NALF1: variants seen among roughly 807,000 people sequenced by gnomAD.
The protein encoded by NALF1 is family with sequence similarity 155 member A.
NALF1 carries 3 observed loss-of-function variants against 48.4 expected under a neutral mutation model. The ratio of observed to expected loss-of-function variants is 0.06; its 90% CI spans 0.03 to 0.16. The LOEUF (loss-of-function observed/expected upper bound fraction) is 0.16. NALF1 is among the 10% of genes least tolerant of loss of function. The pLI is 1.00. For synonymous variants in NALF1, 262 were observed against 245.7 expected (o/e 1.07, Z -0.62); for missense variants, 526 against 571.5 (o/e 0.92, Z 0.81).
At chr13:107,191,445 C>T (rs1289996131) in intron 2 of NALF1, among the ~76,000 whole-genome samples, 2 of 152,086 alleles carry the variant, frequency 1.3e-5, no homozygotes, top group Non-Finnish European at 2.9e-5. Context: ...ATGCAGATTA[C>T]ATTTTATTTC....
intron 1 of NALF1, among the ~76,000 whole-genome samples, chr13:107,574,721 T>G (rs1171838239): frequency 6.6e-6 from 1 of 152,178 alleles, no homozygotes; most frequent in South Asian, 2.1e-4. Flanking sequence ...TTCTGCAGAC[T>G]TTTGGTTGAT....
At chr13:107,652,791 G>A (rs1417901) in intron 1 of NALF1, among the ~76,000 whole-genome samples, 150,425 of 152,254 alleles carry the variant, frequency 0.99, 74,333 homozygotes, top group Middle Eastern at 1. Context: ...GCCTGCCCCT[G>A]TGCCAACAAA....
At chr13:107,498,933 T>C (rs1423556910) in intron 1 of NALF1, among the ~76,000 whole-genome samples, 2 of 152,136 alleles carry the variant, frequency 1.3e-5, no homozygotes, top group Admixed American at 6.6e-5. Context: ...GAGTAGTAGA[T>C]AGGCAGTGAT....
intron 1 of NALF1, among the ~76,000 whole-genome samples, chr13:107,323,606 C>A (rs2138916225): frequency 6.6e-6 from 1 of 152,232 alleles, no homozygotes; most frequent in South Asian, 2.1e-4. Context: ...TACCCCCAAT[C>A]AGACTGTGAG....
chr13:107,505,062 T>C (rs1175976212), intron 1 of NALF1, among the ~76,000 whole-genome samples: 1 of 151,838 alleles, frequency 6.6e-6, no homozygotes, highest in East Asian at 1.9e-4. Context: ...GTAAAGGCTA[T>C]GGAGAGAAAT....
At chr13:107,637,836 C>T (rs1880020367) in intron 1 of NALF1, among the ~76,000 whole-genome samples, 1 of 152,062 alleles carries the variant, frequency 6.6e-6, no homozygotes, top group Non-Finnish European at 1.5e-5. Flanking sequence ...ACACATGTTA[C>T]ATGGGATCCA....
chr13:107,211,899 C>T (rs1185154594), intron 1 of NALF1, among the ~76,000 whole-genome samples: 2 of 152,046 alleles, frequency 1.3e-5, no homozygotes, highest in Non-Finnish European at 2.9e-5. Flanking sequence ...GCACTTTTGA[C>T]CATAACTATT....
chr13:107,786,303 C>A (rs376911898), intron 1 of NALF1, among the ~76,000 whole-genome samples: 31 of 149,502 alleles, frequency 2.1e-4, no homozygotes, highest in African/African-American at 7.1e-4. Flanking sequence ...GTAATCCCAG[C>A]TACTTAGGAG....
intron 1 of NALF1, among the ~76,000 whole-genome samples, chr13:107,722,251 G>A (rs941904362): frequency 6.6e-6 from 1 of 152,154 alleles, no homozygotes. Context: ...AGAAACCTAA[G>A]TTTCTCCCTT....
At chr13:107,675,299 G>T (rs144406645) in intron 1 of NALF1, among the ~76,000 whole-genome samples, 345 of 152,266 alleles carry the variant, frequency 2.3e-3, no homozygotes, top group Middle Eastern at 0.01. Context: ...CTCTGGGGCT[G>T]CAGGCTCACG....
At chr13:107,787,932 C>T (rs1346529086) in intron 1 of NALF1, among the ~76,000 whole-genome samples, 2 of 152,134 alleles carry the variant, frequency 1.3e-5, no homozygotes, top group African/African-American at 4.8e-5. Flanking sequence ...TCTTATATTA[C>T]ATCCTTATCC....
At chr13:107,532,819 G>GAAAAT (rs1876683551) in intron 1 of NALF1, among the ~76,000 whole-genome samples, 2 of 151,190 alleles carry the variant, frequency 1.3e-5, no homozygotes, top group South Asian at 4.2e-4. Context: ...GATTATTCAG[G>GAAAAT]AATATAATTT....
chr13:107,313,189 G>A (rs186253135), intron 1 of NALF1, among the ~76,000 whole-genome samples: 1 of 151,784 alleles, frequency 6.6e-6, no homozygotes, highest in African/African-American at 2.4e-5. Context: ...ACCAACTCAT[G>A]AAACTCCCAA....
At chr13:107,500,485 A>G (rs1875484937) in intron 1 of NALF1, among the ~76,000 whole-genome samples, 1 of 151,368 alleles carries the variant, frequency 6.6e-6, no homozygotes, top group Non-Finnish European at 1.5e-5. Flanking sequence ...GAGAAATAGG[A>G]ACACTTTTAC....
intron 1 of NALF1, among the ~76,000 whole-genome samples, chr13:107,565,771 C>T (rs1259354714): frequency 6.6e-6 from 1 of 152,154 alleles, no homozygotes; most frequent in African/African-American, 2.4e-5. Flanking sequence ...TTAATTAGAG[C>T]TTTCTCCTTA....
At chr13:107,418,630 G>T (rs9587385) in intron 1 of NALF1, among the ~76,000 whole-genome samples, 31,299 of 151,836 alleles carry the variant, frequency 0.21, 3,571 homozygotes, top group Middle Eastern at 0.27. Flanking sequence ...TGAGGTTTGG[G>T]GTACAAATGA....
chr13:107,327,535 C>G (rs1039411657), intron 1 of NALF1, among the ~76,000 whole-genome samples: 1 of 152,204 alleles, frequency 6.6e-6, no homozygotes, highest in African/African-American at 2.4e-5. Flanking sequence ...ATAATTACCA[C>G]TTAATCAAAT....
chr13:107,812,570 A>G (rs1414999997), intron 1 of NALF1, among the ~76,000 whole-genome samples: 1 of 152,164 alleles, frequency 6.6e-6, no homozygotes, highest in Non-Finnish European at 1.5e-5. Flanking sequence ...CTCTGTATTG[A>G]TGTACATTTT....
intron 1 of NALF1, among the ~76,000 whole-genome samples, chr13:107,297,413 C>G (rs978784238): frequency 1.3e-5 from 2 of 152,062 alleles, no homozygotes; most frequent in Non-Finnish European, 2.9e-5. Context: ...TTTTTGCTCT[C>G]TAAAATGAGC....
Sources: allele counts gnomAD v4.1 joint callset (sites outside exome capture counted in the v4.1 genomes callset), GRCh38; gene constraint gnomAD v4.1.1; transcripts MANE v1.5; gene names NCBI Gene and HGNC (gene_info 2026-07-23, HGNC 2026-07-21).